Variants in TRPC5 observed in about 807,000 individuals in gnomAD.
TRPC5 encodes the protein short transient receptor potential channel 5.
Under a neutral mutation model 56.5 loss-of-function variants are expected in TRPC5, and 9 were observed. The observed-to-expected ratio is 0.16, with a 90% CI of 0.10 to 0.28. The LOEUF (loss-of-function observed/expected upper bound fraction) is 0.28, where lower values mean the gene tolerates loss of function less well. Ranked by LOEUF, TRPC5 falls within the 10% of genes least tolerant of loss-of-function variation. TRPC5 has a pLI of 1.00. For missense variants in TRPC5, 469 were observed against 748.9 expected, an observed-to-expected ratio of 0.63 and a Z score of 4.36; for synonymous variants, 282 against 278.5, an observed-to-expected ratio of 1.01 and a Z score of -0.13.
intron 1 of TRPC5, among the ~76,000 whole-genome samples, chrX:111,956,694 T>C (rs1456364614): frequency 9.0e-6 from 1 of 111,346 alleles, no homozygotes; most frequent in Non-Finnish European, 1.9e-5. Flanking sequence ...AATTTTAATG[T>C]AGTGACACTA....
intron 2 of TRPC5, among the ~76,000 whole-genome samples, chrX:111,929,744 G>T (rs1926356278): frequency 1.8e-5 from 2 of 112,361 alleles, no homozygotes; most frequent in Non-Finnish European, 3.8e-5. Context: ...CAGCATCCCT[G>T]TGGGATTATT....
chrX:111,968,746 G>C (rs1927684589), intron 1 of TRPC5, among the ~76,000 whole-genome samples: 1 of 99,343 alleles, frequency 1.0e-5, no homozygotes, highest in African/African-American at 3.7e-5. Flanking sequence ...AACACTGCAT[G>C]TTCTGACTCA....
intron 1 of TRPC5, among the ~76,000 whole-genome samples, chrX:111,973,313 A>C (rs1569528941): frequency 8.9e-6 from 1 of 112,064 alleles, no homozygotes; most frequent in Non-Finnish European, 1.9e-5. Flanking sequence ...TAAAGGTATT[A>C]GCCGATTAAA....
chrX:111,909,105 G>A (rs893189366), intron 3 of TRPC5, among the ~76,000 whole-genome samples: 3 of 100,298 alleles, frequency 3.0e-5, no homozygotes, highest in Non-Finnish European at 3.9e-5. Flanking sequence ...CCAGCATGGC[G>A]AAACCCCGTC....
chrX:112,080,395 TACACAC>T (rs201063739), intron 1 of TRPC5, among the ~76,000 whole-genome samples: 2,804 of 79,105 alleles, frequency 0.035, 71 homozygotes, highest in African/African-American at 0.09. Flanking sequence ...AAAAACTACA[TACACAC>T]ACACACACAC....
chrX:112,004,637 G>T lies in TRPC5; in HGVS notation c.-21-52196C>A, dbSNP rs145346447. Reference sequence around the variant, plus strand: ...GACACTCTGAGATGGATCCCAGCAAGTTGTATTTCAGCAAGCCCTCCAGGA... The same window carrying T: ...GACACTCTGAGATGGATCCCAGCAATTTGTATTTCAGCAAGCCCTCCAGGA... On this transcript the variant is annotated intron_variant, in intron 1 of 10. Coordinates refer to ENST00000262839, the MANE Select transcript of TRPC5 (RefSeq NM_012471.3). 6.2e-3 allele frequency among the ~76,000 whole-genome samples: 695 copies of T among 111,731 alleles called. 4 individuals carry two copies. Among genetic ancestry groups the T allele is most frequent in the African/African-American group, 0.022 (661 of 30,698 alleles).
At chrX:111,853,021 A>G (rs1429756952) in intron 4 of TRPC5, among the ~76,000 whole-genome samples, 2 of 111,852 alleles carry the variant, frequency 1.8e-5, no homozygotes, top group African/African-American at 6.5e-5. Flanking sequence ...TGGAATAAAG[A>G]AAATAGTAAA....
At chrX:111,788,170 T>C (rs982407317) in intron 7 of TRPC5, among the ~76,000 whole-genome samples, 12 of 111,587 alleles carry the variant, frequency 1.1e-4, no homozygotes, top group Admixed American at 2.9e-4. Flanking sequence ...CTCAATGAAA[T>C]ACTGGCAAAC....
At chrX:111,860,188 G>A (rs368759355) in intron 3 of TRPC5, among the ~76,000 whole-genome samples, 189 of 112,781 alleles carry the variant, frequency 1.7e-3, no homozygotes, top group Middle Eastern at 0.014. Flanking sequence ...GATTACAGGC[G>A]TGAGCCACTA....
intron 1 of TRPC5, among the ~76,000 whole-genome samples, chrX:112,028,432 C>A (rs756538342): frequency 9.0e-6 from 1 of 111,201 alleles, no homozygotes; most frequent in South Asian, 3.9e-4. Flanking sequence ...CCCAGGCCCC[C>A]ACCCCATGAC....
intron 3 of TRPC5, among the ~76,000 whole-genome samples, chrX:111,892,630 A>G (rs886473494): frequency 4.5e-5 from 5 of 112,050 alleles, no homozygotes; most frequent in Non-Finnish European, 7.5e-5. Context: ...GATTCCCTAC[A>G]GTCTTTGATT....
intron 2 of TRPC5, among the ~76,000 whole-genome samples, chrX:111,931,984 A>C (rs765389687): frequency 8.9e-6 from 1 of 112,204 alleles, no homozygotes; most frequent in South Asian, 3.7e-4. Context: ...TTTGGAGTCC[A>C]TCCAGGTGGG....
At chrX:111,865,076 C>T (rs1923508507) in intron 3 of TRPC5, among the ~76,000 whole-genome samples, 2 of 110,898 alleles carry the variant, frequency 1.8e-5, no homozygotes, top group South Asian at 7.8e-4. Flanking sequence ...CTGCAATCTC[C>T]ACCTCCCTAG....
At chrX:111,963,575 A>C (rs1927461351) in intron 1 of TRPC5, among the ~76,000 whole-genome samples, 1 of 111,909 alleles carries the variant, frequency 8.9e-6, no homozygotes, top group Non-Finnish European at 1.9e-5. Flanking sequence ...GGCACCCCCC[A>C]GTAGGGACAG....
intron 6 of TRPC5, among the ~76,000 whole-genome samples, chrX:111,838,012 C>T (rs1234834261): frequency 3.7e-5 from 4 of 109,179 alleles, no homozygotes; most frequent in Non-Finnish European, 7.6e-5. Flanking sequence ...TTTGAGGCTG[C>T]GGTGAGCTAT....
chrX:111,936,973 G>A (rs1320346539), intron 2 of TRPC5, among the ~76,000 whole-genome samples: 15 of 105,367 alleles, frequency 1.4e-4, no homozygotes, highest in Non-Finnish European at 2.3e-4. Context: ...AGTGTAAAAT[G>A]TTCCTAATTC....
At chrX:112,045,568 A>G (rs1929996871) in intron 1 of TRPC5, among the ~76,000 whole-genome samples, 1 of 112,129 alleles carries the variant, frequency 8.9e-6, no homozygotes, top group Non-Finnish European at 1.9e-5. Context: ...GCACACAGAA[A>G]TAACCAATGA....
intron 2 of TRPC5, among the ~76,000 whole-genome samples, chrX:111,942,964 G>C (rs1293148537): frequency 9.0e-6 from 1 of 111,694 alleles, no homozygotes; most frequent in African/African-American, 3.3e-5. Context: ...AATGACATTA[G>C]TCAGCAGGTG....
intron 7 of TRPC5, among the ~76,000 whole-genome samples, chrX:111,819,665 T>A (rs1380739485): frequency 8.9e-6 from 1 of 111,991 alleles, no homozygotes; most frequent in African/African-American, 3.2e-5. Flanking sequence ...CTGGAATTCT[T>A]ACTGGTATCA....
Sources: allele counts gnomAD v4.1 joint callset (sites outside exome capture counted in the v4.1 genomes callset), GRCh38; gene constraint gnomAD v4.1.1; transcripts MANE v1.5; gene names NCBI Gene and HGNC (gene_info 2026-07-23, HGNC 2026-07-21).